The following LYST variants were observed in gnomAD, a reference collection of about 807,000 sequenced individuals.
LYST encodes the protein lysosomal-trafficking regulator.
Under a neutral mutation model 413.6 loss-of-function variants are expected in LYST, and 192 were observed. The ratio of observed to expected loss-of-function variants is 0.46; its 90% confidence interval spans 0.41 to 0.52. The LOEUF is 0.52. Ranked by LOEUF, LYST falls within the 20% of genes least tolerant of loss-of-function variation. The pLI, the probability that LYST is intolerant of heterozygous loss-of-function variation, is 0.00. For synonymous variants in LYST, 1,525 were observed against 1,567.3 expected (o/e 0.97, Z 0.64); for missense variants, 3,815 against 4,499.9 (o/e 0.85, Z 4.35).
chr1:235,879,496 A>G (rs184529538), intron 1 of LYST, among the ~76,000 whole-genome samples: 145 of 152,338 alleles, frequency 9.5e-4, no homozygotes, highest in Non-Finnish European at 1.7e-3. Flanking sequence ...ACCTGACAAC[A>G]TGTGTGGAGG....
intron 25 of LYST, 116 bp downstream of exon 25, chr1:235,755,362 C>T: frequency 1.0e-6 from 1 of 997,332 alleles, no homozygotes; most frequent in East Asian, 2.4e-5. Context: ...GCACTCCAGC[C>T]TGGGCAACAG....
At chr1:235,716,364 T>G (rs994307362) in intron 41 of LYST, among the ~76,000 whole-genome samples, 30 of 152,306 alleles carry the variant, frequency 2.0e-4, no homozygotes, top group Middle Eastern at 3.4e-3. Flanking sequence ...ACATTATAAA[T>G]ATATTAACAC....
At chr1:235,871,179 C>T (rs1172649944), upstream of LYST, among the ~76,000 whole-genome samples, 1 of 152,144 alleles carries the variant, frequency 6.6e-6, no homozygotes, top group African/African-American at 2.4e-5. Flanking sequence ...TAAGTTGTTA[C>T]CAACATCCAT....
At chr1:235,761,104 T>A (rs574479723) in intron 22 of LYST, among the ~76,000 whole-genome samples, 29 of 151,926 alleles carry the variant, frequency 1.9e-4, no homozygotes, top group South Asian at 4.2e-4. Flanking sequence ...TTAAAAAAAA[T>A]TTTTTTTAAA....
chr1:235,769,724 A>G (rs1338833194), intron 20 of LYST, among the ~76,000 whole-genome samples: 1 of 152,180 alleles, frequency 6.6e-6, no homozygotes, highest in Non-Finnish European at 1.5e-5. Context: ...ACTTTTTAAT[A>G]AAAATTTTGG....
In LYST at chr1:235,854,721, T is replaced by A. The variant is rs6429375; in HGVS notation, c.-98+12122A>T. On this transcript the variant is annotated intron_variant, in intron 1 of 52. Coordinates refer to ENST00000389793, the MANE Select transcript of LYST (RefSeq NM_000081.4). The surrounding 1 kb of genome is among the most constrained non-coding windows in gnomAD (Gnocchi z 4.1). ...CCTGGCAGATTGCAGGAAAATCAAT[T>A]ATTATTAGATATTATCATCATCACC... Among the ~76,000 whole-genome samples, 77,109 of 152,034 alleles carry A rather than the reference T, an allele frequency of 0.51. 22,990 individuals are homozygous for A. Among genetic ancestry groups the A allele is most frequent in the African/African-American group, 0.83 (34,345 of 41,472 alleles).
intron 1 of LYST, among the ~76,000 whole-genome samples, chr1:235,852,078 T>G (rs1169795074): frequency 1.3e-5 from 2 of 152,070 alleles, no homozygotes; most frequent in African/African-American, 4.8e-5. Context: ...CTCTGAAGAG[T>G]GCATTAAGGA....
chr1:235,781,294 T>C (rs1305112717), intron 15 of LYST, among the ~76,000 whole-genome samples: 1 of 152,182 alleles, frequency 6.6e-6, no homozygotes, highest in Non-Finnish European at 1.5e-5. Context: ...AATTAAATCA[T>C]AACATTTCCA....
chr1:235,866,545 C>G (rs891043912), intron 1 of LYST, among the ~76,000 whole-genome samples: 1 of 152,232 alleles, frequency 6.6e-6, no homozygotes, highest in African/African-American at 2.4e-5. Flanking sequence ...AAGTTAGTGC[C>G]CAGTGGCCGC....
chr1:235,836,494 T>C (rs1207594402), intron 1 of LYST, among the ~76,000 whole-genome samples: 1 of 152,100 alleles, frequency 6.6e-6, no homozygotes, highest in Non-Finnish European at 1.5e-5. Flanking sequence ...ATGGAATAAG[T>C]AAATGGACCA....
chr1:235,797,166 T>C (rs1293031376), intron 10 of LYST, among the ~76,000 whole-genome samples: 2 of 152,002 alleles, frequency 1.3e-5, no homozygotes, highest in African/African-American at 4.8e-5. Context: ...TGTACATGAG[T>C]GTTCACAGCA....
intron 46 of LYST, among the ~76,000 whole-genome samples, chr1:235,695,981 A>G (rs1373302487): frequency 1.3e-5 from 2 of 152,142 alleles, no homozygotes; most frequent in African/African-American, 4.8e-5. Context: ...ACATGTTGGT[A>G]CTTTGGTATT....
At chr1:235,862,338 G>A (rs1192974729) in intron 1 of LYST, among the ~76,000 whole-genome samples, 1 of 152,176 alleles carries the variant, frequency 6.6e-6, no homozygotes, top group Non-Finnish European at 1.5e-5. Context: ...GTTACCTGAG[G>A]TCAACTGTGG....
chr1:235,808,308 C>T (rs568684427), intron 5 of LYST, 147 bp downstream of exon 5: 15 of 664,132 alleles, frequency 2.3e-5, no homozygotes, highest in East Asian at 5.5e-5. Flanking sequence ...AGAGTAAATA[C>T]GATCACACTG....
intron 50 of LYST, among the ~76,000 whole-genome samples, chr1:235,668,189 T>C (rs1658654484): frequency 6.6e-6 from 1 of 151,804 alleles, no homozygotes; most frequent in Non-Finnish European, 1.5e-5. Context: ...TCTGTACGTA[T>C]ATACATACAT....
chr1:235,828,325 T>G, intron 3 of LYST: 1 of 196,170 alleles, frequency 5.1e-6, no homozygotes, highest in Non-Finnish European at 9.2e-6. Context: ...TTGGAGGTGA[T>G]GAAAATATTC....
At chr1:235,729,780 A>C in intron 36 of LYST, 123 bp from the exon 37 acceptor site, 1 of 719,468 alleles carries the variant, frequency 1.4e-6, no homozygotes, top group Non-Finnish European at 2.5e-6. Flanking sequence ...CAATAGCATG[A>C]GGTATCTTGT....
At chr1:235,663,908 T>G in intron 52 of LYST, 76 bp downstream of exon 52, 1 of 1,204,040 alleles carries the variant, frequency 8.3e-7, no homozygotes, top group Non-Finnish European at 1.2e-6. Flanking sequence ...TTTAAGTCTG[T>G]GTGCTTAAAT....
In LYST at chr1:235,780,862, T is replaced by C. The variant is rs1301983787; in HGVS notation, c.5214+3A>G. Reference sequence around the variant, plus strand: ...AATTAAAATTTATAAAATTAAAACTTACAATTAAGAGACCAATATCCACAT... The same window carrying C: ...AATTAAAATTTATAAAATTAAAACTCACAATTAAGAGACCAATATCCACAT... On this transcript the variant is annotated splice_donor_region_variant and intron_variant, in intron 16 of 52. Transcript: ENST00000389793. 2 of 1,344,614 alleles carry C rather than the reference T, an allele frequency of 1.5e-6. No individual in the cohort carries two copies. The highest frequency in any genetic ancestry group is 2.0e-5 in the Admixed American group (1 of 49,004). 83.3% of individuals were successfully genotyped at this position (1,344,614 alleles called of 1,614,324 possible).
Sources: allele counts gnomAD v4.1 joint callset (sites outside exome capture counted in the v4.1 genomes callset), GRCh38; gene constraint gnomAD v4.1.1; non-coding constraint Gnocchi (gnomAD v3.1); transcripts MANE v1.5; gene names NCBI Gene and HGNC (gene_info 2026-07-23, HGNC 2026-07-21).